Variants in SGK3 observed in about 807,000 individuals in gnomAD.
The protein encoded by SGK3 is serum/glucocorticoid regulated kinase family member 3, also known as serine/threonine-protein kinase Sgk3.
Under a neutral mutation model 68.5 loss-of-function variants are expected in SGK3, and 47 were observed. That is an observed-to-expected ratio of 0.69 (90% CI 0.54 to 0.87). SGK3 has a LOEUF of 0.87. SGK3 is among the 40% of genes least tolerant of loss of function. The probability of loss-of-function intolerance (pLI) is 0.00; values close to 1 mark genes in which losing one functional copy is unlikely to be tolerated. For synonymous variants in SGK3, 181 were observed against 189.1 expected (o/e 0.96, Z 0.35); for missense variants, 479 against 575.5 (o/e 0.83, Z 1.72).
intron 1 of SGK3, among the ~76,000 whole-genome samples, chr8:66,741,688 G>A (rs1181712944): frequency 6.6e-6 from 1 of 152,096 alleles, no homozygotes; most frequent in Non-Finnish European, 1.5e-5. Context: ...ACAACATAGT[G>A]AGACCCTGTC....
intron 16 of SGK3, among the ~76,000 whole-genome samples, chr8:66,852,837 A>T (rs920333568): frequency 2.6e-5 from 4 of 152,198 alleles, no homozygotes; most frequent in African/African-American, 9.7e-5. Context: ...GACTCTTAAG[A>T]ATTATTTTAT....
intron 2 of SGK3, among the ~76,000 whole-genome samples, chr8:66,796,833 G>A (rs971513655): frequency 6.6e-6 from 1 of 152,014 alleles, no homozygotes; most frequent in Non-Finnish European, 1.5e-5. Flanking sequence ...TCATTATACA[G>A]GGACAAGACA....
intron 1 of SGK3, among the ~76,000 whole-genome samples, chr8:66,723,497 G>T (rs967026946): frequency 6.6e-6 from 1 of 151,988 alleles, no homozygotes; most frequent in Admixed American, 6.6e-5. Flanking sequence ...AAGCTGGAGT[G>T]CAGTGGTGCA....
intron 1 of SGK3, among the ~76,000 whole-genome samples, chr8:66,728,191 T>G (rs192523007): frequency 9.8e-5 from 15 of 152,302 alleles, no homozygotes; most frequent in Admixed American, 8.5e-4. Flanking sequence ...ACTTTCTTTC[T>G]CTGCAGATTC....
At chr8:66,774,740 G>A (rs1021736787) in intron 1 of SGK3, among the ~76,000 whole-genome samples, 6 of 152,118 alleles carry the variant, frequency 3.9e-5, no homozygotes, top group Admixed American at 2.0e-4. Flanking sequence ...AGGATGTGTG[G>A]TGGAGACTAG....
At position 66,843,374 on chromosome 8, in the gene SGK3, G is replaced by A. The variant is rs566721238; in HGVS notation, c.979-78G>A. The A allele has an allele frequency of 1.2e-5, 17 of 1,428,572 alleles. No homozygotes were observed. The African/African-American group carries it at 2.0e-4, about 17-fold the overall frequency. The allele number at this position is 1,428,572 out of a possible 1,614,324, so 88.5% of individuals were successfully genotyped here. ...AGTATGATAGCAACAACTAAAATTT[G>A]TTAAATTTCTCAATTATTTATAAAT... On this transcript the variant is annotated intron_variant, in intron 13 of 16. Transcript: ENST00000521198.
chr8:66,804,053 C>G (rs1281040783), intron 3 of SGK3, among the ~76,000 whole-genome samples: 1 of 152,126 alleles, frequency 6.6e-6, no homozygotes, highest in Non-Finnish European at 1.5e-5. Context: ...ACTTGCCATA[C>G]ATGATCTCCT....
chr8:66,756,503 A>C (rs1805978330), intron 1 of SGK3, among the ~76,000 whole-genome samples: 1 of 151,950 alleles, frequency 6.6e-6, no homozygotes, highest in Non-Finnish European at 1.5e-5. Context: ...ACAAAACCCC[A>C]AATCCTTTTA....
At chr8:66,734,183 T>C (rs1256347307) in intron 1 of SGK3, among the ~76,000 whole-genome samples, 1 of 151,932 alleles carries the variant, frequency 6.6e-6, no homozygotes, top group Non-Finnish European at 1.5e-5. Context: ...CTGGTAAAAA[T>C]TGATAGTAAC....
intron 1 of SGK3, among the ~76,000 whole-genome samples, chr8:66,741,712 C>CA (rs1235270650): frequency 2.0e-5 from 3 of 151,570 alleles, no homozygotes; most frequent in Non-Finnish European, 2.9e-5. Flanking sequence ...ATTAAAAATT[C>CA]AAAAAAATAA....
At chr8:66,828,793 T>C (rs566699365) in intron 7 of SGK3, 90 bp downstream of exon 7, 1 of 1,476,514 alleles carries the variant, frequency 6.8e-7, no homozygotes, top group Admixed American at 1.7e-5. Flanking sequence ...TACACTAATT[T>C]AACTGTAGGC....
intron 1 of SGK3, chr8:66,790,882 A>C (rs1490568409): frequency 6.6e-6 from 1 of 152,130 alleles, no homozygotes; most frequent in Admixed American, 6.6e-5. Context: ...CCTCCACAGG[A>C]AGGTTTTCAG....
intron 1 of SGK3, among the ~76,000 whole-genome samples, chr8:66,719,299 G>T (rs771271097): frequency 6.7e-6 from 1 of 149,986 alleles, no homozygotes; most frequent in African/African-American, 2.5e-5. Flanking sequence ...ACAATTTGTT[G>T]TTTTGTTTTT....
chr8:66,836,501 C>T (rs1809538406), intron 10 of SGK3, among the ~76,000 whole-genome samples: 1 of 151,954 alleles, frequency 6.6e-6, no homozygotes, highest in African/African-American at 2.4e-5. Context: ...GGTAGCTTGG[C>T]TCAGTGACTC....
chr8:66,740,006 A>G (rs1805434416), intron 1 of SGK3, among the ~76,000 whole-genome samples: 1 of 152,220 alleles, frequency 6.6e-6, no homozygotes, highest in South Asian at 2.1e-4. Flanking sequence ...ACAATTCAAG[A>G]TGAGATTTGG....
chr8:66,833,948 C>T (rs1809404971), intron 8 of SGK3, among the ~76,000 whole-genome samples: 1 of 152,208 alleles, frequency 6.6e-6, no homozygotes, highest in Non-Finnish European at 1.5e-5. Flanking sequence ...ACCTCAGCCT[C>T]CCAAAGTGCT....
intron 1 of SGK3, among the ~76,000 whole-genome samples, chr8:66,730,720 C>A (rs928830826): frequency 1.3e-5 from 2 of 152,076 alleles, no homozygotes; most frequent in African/African-American, 4.8e-5. Context: ...GAGACAGTCT[C>A]GCTCTGGAGT....
At chr8:66,724,594 T>G (rs541721953) in intron 1 of SGK3, among the ~76,000 whole-genome samples, 2 of 152,094 alleles carry the variant, frequency 1.3e-5, no homozygotes, top group Non-Finnish European at 1.5e-5. Context: ...AAATAAAAAC[T>G]AATAAAAAAT....
At chr8:66,801,627 C>G (rs1807948813) in intron 3 of SGK3, among the ~76,000 whole-genome samples, 1 of 152,030 alleles carries the variant, frequency 6.6e-6, no homozygotes, top group African/African-American at 2.4e-5. Context: ...CTGTCTGTCT[C>G]TGTCTCTGTG....
Sources: gnomAD v4.1 joint callset for allele counts (sites outside exome capture counted in the v4.1 genomes callset) on GRCh38, gnomAD v4.1.1 for gene constraint, MANE v1.5 for transcripts, NCBI Gene and HGNC (gene_info 2026-07-23, HGNC 2026-07-21) for gene names.